Variants in PALLD observed in about 807,000 individuals in gnomAD.
The protein encoded by PALLD is palladin, cytoskeletal associated protein.
Under a neutral mutation model 123.5 loss-of-function variants are expected in PALLD, and 61 were observed. The observed-to-expected ratio is 0.49, with a 90% CI of 0.40 to 0.61. The LOEUF is 0.61. PALLD is among the 20% of genes least tolerant of loss of function. The pLI is 0.00. For synonymous variants in PALLD, 465 were observed against 496.4 expected, an observed-to-expected ratio of 0.94 and a Z score of 0.84; for missense variants, 1,273 against 1,377.0, an observed-to-expected ratio of 0.92 and a Z score of 1.20.
intron 2 of PALLD, among the ~76,000 whole-genome samples, chr4:168,600,008 T>TACATGTGTGTACACGC (rs1561290774): frequency 5.3e-5 from 7 of 132,346 alleles, no homozygotes; most frequent in African/African-American, 2.1e-4. Context: ...CACACGTATA[T>TACATGTGTGTACACGC]ACATACATGT....
intron 2 of PALLD, among the ~76,000 whole-genome samples, chr4:168,618,985 T>C (rs1472509342): frequency 2.0e-5 from 3 of 152,186 alleles, no homozygotes; most frequent in African/African-American, 7.2e-5. Flanking sequence ...ATCTAGATGT[T>C]TAACATGTAA....
At chr4:168,606,848 C>T (rs1773232810) in intron 2 of PALLD, among the ~76,000 whole-genome samples, 1 of 152,070 alleles carries the variant, frequency 6.6e-6, no homozygotes. Flanking sequence ...CACTGAGGGC[C>T]AGCAAAACCC....
In PALLD at chr4:168,512,319, G is replaced by A. The variant is rs140415820; in HGVS notation, c.815G>A (p.Arg272Gln). 1.1e-4 allele frequency: 182 copies of A among 1,614,122 alleles called. No homozygotes were observed. The African/African-American group carries it at 1.9e-3, about 17-fold the overall frequency. The change falls in exon 2 of 22, where the codon CGA (arginine) becomes CAA (glutamine). Residue 272 changes from arginine (R) to glutamine (Q), a missense_variant. By Grantham distance (43) the Arg-to-Gln change is conservative (BLOSUM62 1). Coordinates refer to ENST00000505667, the MANE Select transcript of PALLD (RefSeq NM_001166108.2). ...GCCCTCCACTTCCCAGCTGCACCTC[G>A]ATTCATCCAAAAGCTGAGGAGCCAA... ...HSALHFPAAP[R>Q]FIQKLRSQEV...
chr4:168,921,278 G>C (rs1761435242), intron 17 of PALLD, among the ~76,000 whole-genome samples: 1 of 151,492 alleles, frequency 6.6e-6, no homozygotes, highest in Non-Finnish European at 1.5e-5. Flanking sequence ...ATAGTGGCAG[G>C]CATCTGTAAT....
chr4:168,600,002 C>CATATATACATACAT (rs1561290675), intron 2 of PALLD, among the ~76,000 whole-genome samples: 14 of 133,944 alleles, frequency 1.0e-4, no homozygotes, highest in African/African-American at 2.2e-4. Context: ...TATACACACA[C>CATATATACATACAT]GTATATACAT....
chr4:168,919,417 C>T (rs1267149876), intron 17 of PALLD, among the ~76,000 whole-genome samples: 1 of 151,776 alleles, frequency 6.6e-6, no homozygotes, highest in Non-Finnish European at 1.5e-5. Flanking sequence ...CCCAGCTACT[C>T]AGGAGGCTGA....
chr4:168,847,288 A>G (rs892138319), intron 10 of PALLD, among the ~76,000 whole-genome samples: 3 of 152,224 alleles, frequency 2.0e-5, no homozygotes, highest in African/African-American at 7.2e-5. Context: ...CACTATTTGC[A>G]CTAATGAGTA....
Position 168,629,714 on chromosome 4 carries a change from G to A in PALLD, c.909-38476G>A, listed in dbSNP as rs115764545. 4.7e-3 allele frequency among the ~76,000 whole-genome samples: 711 copies of A among 151,140 alleles called. 5 individuals carry two copies. The highest frequency in any genetic ancestry group is 0.016 in the African/African-American group (678 of 41,310). Reference sequence around the variant, plus strand: ...TCCTGACCCCAAAACGCCACAAACCGCGTAACGTTGGGATAGTTCTCATTT... The same window carrying A: ...TCCTGACCCCAAAACGCCACAAACCACGTAACGTTGGGATAGTTCTCATTT... On this transcript the variant is annotated intron_variant, in intron 2 of 21. Coordinates refer to ENST00000505667, the MANE Select transcript of PALLD (RefSeq NM_001166108.2).
At chr4:168,595,442 A>G (rs1028438277) in intron 2 of PALLD, among the ~76,000 whole-genome samples, 2 of 152,142 alleles carry the variant, frequency 1.3e-5, no homozygotes, top group Admixed American at 6.5e-5. Context: ...ACTAGTTCAC[A>G]TCGTTTATGA....
At chr4:168,719,553 C>A (rs757954506) in intron 10 of PALLD, among the ~76,000 whole-genome samples, 22 of 152,086 alleles carry the variant, frequency 1.4e-4, no homozygotes, top group Non-Finnish European at 2.9e-4. Flanking sequence ...AGCCACCATG[C>A]CCAGCCAAAA....
chr4:168,571,833 G>A (rs773173540), intron 2 of PALLD, among the ~76,000 whole-genome samples: 3 of 152,132 alleles, frequency 2.0e-5, no homozygotes, highest in Non-Finnish European at 4.4e-5. Flanking sequence ...TTAATGTTCT[G>A]AATAATTCTA....
chr4:168,553,693 T>C (rs985425208), intron 2 of PALLD, among the ~76,000 whole-genome samples: 5 of 151,478 alleles, frequency 3.3e-5, no homozygotes, highest in Admixed American at 6.6e-5. Flanking sequence ...ATTTTTGTTG[T>C]TGTTGTTGTT....
At chr4:168,742,875 G>A (rs1248620479) in intron 10 of PALLD, among the ~76,000 whole-genome samples, 1 of 152,280 alleles carries the variant, frequency 6.6e-6, no homozygotes, top group East Asian at 1.9e-4. Flanking sequence ...ATTTCCTTCA[G>A]ACTACAAAGA....
chr4:168,655,852 A>G (rs558622603), intron 2 of PALLD, among the ~76,000 whole-genome samples: 2 of 152,294 alleles, frequency 1.3e-5, no homozygotes, highest in African/African-American at 2.4e-5. Context: ...ATTGGATGTA[A>G]TTGTTTGTTA....
intron 3 of PALLD, among the ~76,000 whole-genome samples, chr4:168,672,805 A>G (rs556089374): frequency 6.6e-6 from 1 of 152,158 alleles, no homozygotes; most frequent in Non-Finnish European, 1.5e-5. Context: ...GTTCTCACTC[A>G]TATGTGAAAA....
intron 6 of PALLD, 92 bp from the exon 7 acceptor site, chr4:168,690,511 C>G (rs1782518970): frequency 4.0e-6 from 6 of 1,489,328 alleles, no homozygotes; most frequent in Middle Eastern, 3.4e-4. Context: ...TCTGTTTTGT[C>G]TGAGGTTTGG....
At chr4:168,783,932 G>A (rs1281111222) in intron 10 of PALLD, among the ~76,000 whole-genome samples, 2 of 152,156 alleles carry the variant, frequency 1.3e-5, no homozygotes, top group Admixed American at 1.3e-4. Context: ...TGAGTGATCA[G>A]TAAGTGAGGA....
At chr4:168,817,736 A>G (rs1291123564) in intron 10 of PALLD, among the ~76,000 whole-genome samples, 1 of 152,220 alleles carries the variant, frequency 6.6e-6, no homozygotes, top group African/African-American at 2.4e-5. Flanking sequence ...CTACAAAACC[A>G]ACATTGAGAA....
At chr4:168,719,264 T>TTTTG in intron 10 of PALLD, among the ~76,000 whole-genome samples, 1 of 145,510 alleles carries the variant, frequency 6.9e-6, no homozygotes, top group Non-Finnish European at 1.5e-5. Context: ...TTTTTTTTTT[T>TTTTG]TTTTTTTTTT....
Sources: allele counts gnomAD v4.1 joint callset (sites outside exome capture counted in the v4.1 genomes callset), GRCh38; gene constraint gnomAD v4.1.1; transcripts MANE v1.5; gene names NCBI Gene and HGNC (gene_info 2026-07-23, HGNC 2026-07-21).